Variants in CTNNA2 observed in about 807,000 individuals in gnomAD.
CTNNA2 encodes catenin alpha-2.
CTNNA2 carries 42 observed loss-of-function variants against 101.0 expected under a neutral mutation model. That is an observed-to-expected ratio of 0.42 (90% confidence interval 0.32 to 0.54). The LOEUF (loss-of-function observed/expected upper bound fraction) is 0.54. Among genes scored for constraint, CTNNA2 ranks in the 20% least tolerant of loss-of-function variants. The pLI, the probability that CTNNA2 is intolerant of heterozygous loss-of-function variation, is 0.14. For synonymous variants in CTNNA2, 450 were observed against 456.4 expected, an observed-to-expected ratio of 0.99 and a Z score of 0.18; for missense variants, 871 against 1,223.1, an observed-to-expected ratio of 0.71 and a Z score of 4.29.
intron 8 of CTNNA2, among the ~76,000 whole-genome samples, chr2:80,395,346 G>A (rs993746558): frequency 6.6e-6 from 1 of 152,124 alleles, no homozygotes; most frequent in Non-Finnish European, 1.5e-5. Context: ...AACAGTTATG[G>A]CATAATTTCA....
chr2:79,877,564 A>T (rs1387808182), intron 6 of CTNNA2, among the ~76,000 whole-genome samples: 1 of 152,136 alleles, frequency 6.6e-6, no homozygotes, highest in Non-Finnish European at 1.5e-5. Flanking sequence ...AGGCATGCTA[A>T]CTTGAAATTG....
At chr2:79,813,302 G>A (rs779756692) in intron 3 of CTNNA2, among the ~76,000 whole-genome samples, 10 of 152,162 alleles carry the variant, frequency 6.6e-5, no homozygotes, top group Non-Finnish European at 1.3e-4. Flanking sequence ...GACAAAAGAA[G>A]AAGCAAGGAG....
chr2:79,330,410 C>A (rs1342595248), intron 3 of CTNNA2, among the ~76,000 whole-genome samples: 1 of 152,122 alleles, frequency 6.6e-6, no homozygotes. Flanking sequence ...AACTGTCAGT[C>A]CTGAGTGAAA....
chr2:80,027,158 G>T (rs1049413289), intron 7 of CTNNA2, among the ~76,000 whole-genome samples: 1 of 152,162 alleles, frequency 6.6e-6, no homozygotes, highest in Non-Finnish European at 1.5e-5. Context: ...ATGCAGTGCC[G>T]CTCTGAGAAG....
chr2:79,512,756 C>T (rs1219112062), upstream of CTNNA2, among the ~76,000 whole-genome samples: 13 of 151,724 alleles, frequency 8.6e-5, 1 homozygote, highest in South Asian at 2.7e-3. Context: ...TGCCGCGCCT[C>T]CAGAGCTCCG....
chr2:79,549,737 T>C (rs1463244149), intron 1 of CTNNA2, among the ~76,000 whole-genome samples: 2 of 151,868 alleles, frequency 1.3e-5, no homozygotes, highest in East Asian at 1.9e-4. Flanking sequence ...GACTCATCTG[T>C]TTTTTGTAGT....
intron 2 of CTNNA2, among the ~76,000 whole-genome samples, chr2:79,251,702 CAT>C (rs554613511): frequency 6.6e-6 from 1 of 152,124 alleles, no homozygotes; most frequent in Non-Finnish European, 1.5e-5. Context: ...CCAACAACCA[CAT>C]GAGTCAGCTT....
intron 7 of CTNNA2, among the ~76,000 whole-genome samples, chr2:80,080,002 T>C (rs1049316990): frequency 6.6e-6 from 1 of 152,096 alleles, no homozygotes; most frequent in Non-Finnish European, 1.5e-5. Flanking sequence ...CAGGATTTGA[T>C]TAAAATAATG....
At chr2:79,302,662 C>CTAGAT (rs1676140292) in intron 2 of CTNNA2, among the ~76,000 whole-genome samples, 1 of 152,070 alleles carries the variant, frequency 6.6e-6, no homozygotes, top group Non-Finnish European at 1.5e-5. Context: ...CTTTCAAGTA[C>CTAGAT]CATGCAAATT....
chr2:80,043,120 T>TTCCTC (rs1696261672), intron 7 of CTNNA2, among the ~76,000 whole-genome samples: 1 of 11,224 alleles, frequency 8.9e-5, no homozygotes, highest in East Asian at 2.1e-3. Context: ...TCTTTCTTTC[T>TTCCTC]CCTTCCTTCC....
chr2:79,788,115 C>A (rs1023546279), intron 3 of CTNNA2, among the ~76,000 whole-genome samples: 21 of 152,136 alleles, frequency 1.4e-4, no homozygotes, highest in African/African-American at 5.1e-4. Flanking sequence ...GAGAGCTTCT[C>A]TTTTGTGCCA....
chr2:79,713,146 GCT>G lies in CTNNA2; in HGVS notation c.103-31240_103-31239del. On this transcript the variant is annotated intron_variant, in intron 2 of 18. Transcript: ENST00000402739. The stretch of plus-strand genomic sequence containing the variant: ...CTTTTAAAACATTGAATCATGCTAT[GCT>G]TATTGAATATCATGGCAAAAATCAT... Among the ~76,000 whole-genome samples the G allele has an allele frequency of 1.3e-5, 2 of 152,258 alleles. 1 individual carries two copies. The highest frequency in any genetic ancestry group is 6.8e-3 in the Middle Eastern group (2 of 294).
At chr2:80,162,936 A>G (rs1278412449) in intron 7 of CTNNA2, 7 of 1,546,882 alleles carry the variant, frequency 4.5e-6, no homozygotes, top group African/African-American at 2.7e-5. Flanking sequence ...TGAATTTCCA[A>G]CATGATATTG....
chr2:79,630,552 A>G (rs916671422), intron 1 of CTNNA2, among the ~76,000 whole-genome samples: 1 of 152,264 alleles, frequency 6.6e-6, no homozygotes, highest in African/African-American at 2.4e-5. Flanking sequence ...AACTTTCAGT[A>G]TACATAATGT....
chr2:79,546,939 A>G (rs1234024310), intron 1 of CTNNA2, among the ~76,000 whole-genome samples: 1 of 152,110 alleles, frequency 6.6e-6, no homozygotes, highest in African/African-American at 2.4e-5. Flanking sequence ...GGCCTGCTCA[A>G]CAGTGCTTCC....
At chr2:79,640,526 C>A (rs561761007) in intron 1 of CTNNA2, among the ~76,000 whole-genome samples, 4 of 152,068 alleles carry the variant, frequency 2.6e-5, no homozygotes, top group Admixed American at 1.3e-4. Flanking sequence ...TAAAAGTAAA[C>A]CTGAAGTATA....
At position 80,135,568 on chromosome 2, in the gene CTNNA2, T is replaced by C. The variant is rs1702648695; in HGVS notation, c.1056+225771T>C. Among the ~76,000 whole-genome samples, 4 of 152,160 alleles carry C rather than the reference T, an allele frequency of 2.6e-5. No individual in the cohort carries two copies. In the South Asian group the frequency reaches 8.3e-4, roughly 32 times the overall value. On this transcript the variant is annotated intron_variant, in intron 7 of 18. Transcript: ENST00000402739. ...TGCAGGGAAGCATCATTGTACACTT[T>C]TGCCCTTGACTGGAGGAGAGTTGTC...
At chr2:79,193,416 G>A (rs1673900833) in intron 1 of CTNNA2, among the ~76,000 whole-genome samples, 1 of 152,050 alleles carries the variant, frequency 6.6e-6, no homozygotes, top group Non-Finnish European at 1.5e-5. Flanking sequence ...GTTACCTACG[G>A]TGTTCCGTAC....
intron 7 of CTNNA2, among the ~76,000 whole-genome samples, chr2:80,250,426 AG>A (rs1186008671): frequency 6.6e-6 from 1 of 152,186 alleles, no homozygotes; most frequent in African/African-American, 2.4e-5. Context: ...GTAAACGCAA[AG>A]ATAGAAGAGA....
Sources: gnomAD v4.1 joint callset for allele counts (sites outside exome capture counted in the v4.1 genomes callset) on GRCh38, gnomAD v4.1.1 for gene constraint, MANE v1.5 for transcripts, NCBI Gene and HGNC (gene_info 2026-07-23, HGNC 2026-07-21) for gene names.